DCDC1: variants seen among roughly 807,000 people sequenced by gnomAD.
The protein encoded by DCDC1 is doublecortin domain-containing protein 1.
DCDC1 carries 200 observed loss-of-function variants against 178.3 expected under a neutral mutation model. The ratio of observed to expected loss-of-function variants is 1.12; its 90% CI spans 1.00 to 1.26. The LOEUF (loss-of-function observed/expected upper bound fraction) is 1.26. DCDC1 is among the 50% of genes most tolerant of loss of function. The probability of loss-of-function intolerance (pLI) is 0.00; values close to 1 mark genes in which losing one functional copy is unlikely to be tolerated. For synonymous variants in DCDC1, 690 were observed against 604.8 expected, an observed-to-expected ratio of 1.14 and a Z score of -2.07; for missense variants, 1,983 against 1,749.2, an observed-to-expected ratio of 1.13 and a Z score of -2.38.
chr11:31,321,657 A>G lies in DCDC1; in HGVS notation c.164+6460T>C, dbSNP rs912224814. ...GGAGCTGTAGACCGGAGCTGTTCCT[A>G]TTCGGCCATCTTGGCTCCTCCCCGC... is the stretch of plus-strand genomic sequence containing the variant. On this transcript the variant is annotated intron_variant, in intron 3 of 38. Transcript: ENST00000684477. 2.0e-5 allele frequency among the ~76,000 whole-genome samples: 3 copies of G among 152,068 alleles called. No homozygotes were observed. The East Asian group carries it at 5.8e-4, about 29-fold the overall frequency.
intron 8 of DCDC1, among the ~76,000 whole-genome samples, chr11:31,248,334 T>G (rs1184626736): frequency 6.6e-6 from 1 of 151,956 alleles, no homozygotes; most frequent in Admixed American, 6.6e-5. Flanking sequence ...AAGTAAAACA[T>G]AGGAATAAGA....
Position 30,926,558 on chromosome 11 carries a change from T to C in DCDC1, c.2898-1150A>G, listed in dbSNP as rs370322836. Among the ~76,000 whole-genome samples the C allele has an allele frequency of 2.1e-4, 32 of 152,292 alleles. No individual in the cohort carries two copies. In the South Asian group the frequency reaches 3.7e-3, roughly 18 times the overall value. ...AAAAAGTAGAGCTACAGGAGACTGATGGAGCATTTTCTAAACAATACTGTG... is the reference window on the plus strand; with the variant it reads ...AAAAAGTAGAGCTACAGGAGACTGACGGAGCATTTTCTAAACAATACTGTG... On this transcript the variant is annotated intron_variant, in intron 22 of 38. Coordinates refer to ENST00000684477, the MANE Select transcript of DCDC1 (RefSeq NM_001387274.1).
intron 9 of DCDC1, among the ~76,000 whole-genome samples, chr11:31,223,961 G>T (rs1288778247): frequency 3.9e-5 from 6 of 152,086 alleles, no homozygotes; most frequent in Admixed American, 6.6e-5. Context: ...GGTAGGGGGA[G>T]GTCATTGAAT....
At chr11:30,963,971 C>A (rs542022823) in intron 20 of DCDC1, among the ~76,000 whole-genome samples, 1 of 152,044 alleles carries the variant, frequency 6.6e-6, no homozygotes, top group Non-Finnish European at 1.5e-5. Context: ...TTCGTAAATT[C>A]TTGTCCTGTT....
At chr11:30,920,719 A>T (rs1210878809) in intron 25 of DCDC1, 57 bp downstream of exon 25, 1 of 1,592,260 alleles carries the variant, frequency 6.3e-7, no homozygotes, top group Non-Finnish European at 8.6e-7. Flanking sequence ...TTATCGGGCT[A>T]ATGAGCTGAG....
At chr11:30,881,384 T>A (rs566581682) in intron 36 of DCDC1, 76 bp from the exon 37 acceptor site, 112 of 1,525,782 alleles carry the variant, frequency 7.3e-5, no homozygotes, top group Non-Finnish European at 9.4e-5. Flanking sequence ...CCAACTCTTC[T>A]GAGAAAACTA....
At chr11:30,868,340 T>C (rs530227502) in intron 38 of DCDC1, among the ~76,000 whole-genome samples, 22 of 132,866 alleles carry the variant, frequency 1.7e-4, no homozygotes, top group Non-Finnish European at 2.8e-4. Flanking sequence ...AGCCTCCGCC[T>C]CCCGGGTTCC....
At chr11:30,921,811 G>A (rs553621272) in intron 24 of DCDC1, among the ~76,000 whole-genome samples, 1 of 152,258 alleles carries the variant, frequency 6.6e-6, no homozygotes, top group African/African-American at 2.4e-5. Flanking sequence ...AGCCAGCCAC[G>A]TGAACTGGGA....
chr11:30,971,599 CTTTGTTTT>C (rs1949786693), intron 20 of DCDC1, among the ~76,000 whole-genome samples: 1 of 138,482 alleles, frequency 7.2e-6, no homozygotes, highest in Non-Finnish European at 1.5e-5. Flanking sequence ...AAAAACAGGC[CTTTGTTTT>C]TTTTTTTTTT....
chr11:31,178,275 G>A (rs988832214), intron 9 of DCDC1, among the ~76,000 whole-genome samples: 1 of 152,104 alleles, frequency 6.6e-6, no homozygotes, highest in African/African-American at 2.4e-5. Flanking sequence ...ATGTTGCCAA[G>A]AATACACATT....
intron 2 of DCDC1, among the ~76,000 whole-genome samples, chr11:31,330,106 A>G (rs1949885980): frequency 6.6e-6 from 1 of 152,100 alleles, no homozygotes; most frequent in African/African-American, 2.4e-5. Context: ...CTGGTGTGAG[A>G]TGGTATCTCA....
chr11:30,975,735 T>C (rs934321070), intron 20 of DCDC1, among the ~76,000 whole-genome samples: 4 of 152,046 alleles, frequency 2.6e-5, no homozygotes, highest in Admixed American at 2.6e-4. Context: ...TGGAAAGACA[T>C]TCCATGTTCA....
chr11:30,967,604 T>A (rs1949510996), intron 20 of DCDC1, among the ~76,000 whole-genome samples: 1 of 152,192 alleles, frequency 6.6e-6, no homozygotes, highest in African/African-American at 2.4e-5. Context: ...GGGGACCCAC[T>A]TGCCTAGTCT....
chr11:30,894,466 T>C, intron 34 of DCDC1, 82 bp from the exon 35 acceptor site: 1 of 1,556,388 alleles, frequency 6.4e-7, no homozygotes, highest in Non-Finnish European at 8.7e-7. Context: ...TCTCTATGTA[T>C]AAATCGTTCC....
intron 20 of DCDC1, among the ~76,000 whole-genome samples, chr11:30,993,947 T>C (rs976520548): frequency 6.6e-6 from 1 of 152,154 alleles, no homozygotes; most frequent in Admixed American, 6.6e-5. Flanking sequence ...CCAACTCATT[T>C]TACGAGCCAG....
chr11:31,096,318 C>T (rs771998854), intron 15 of DCDC1, among the ~76,000 whole-genome samples: 1 of 152,178 alleles, frequency 6.6e-6, no homozygotes, highest in Non-Finnish European at 1.5e-5. Flanking sequence ...CCATTTGCCA[C>T]AGGACTCAGC....
intron 27 of DCDC1, among the ~76,000 whole-genome samples, chr11:30,912,201 C>T (rs932491612): frequency 2.0e-4 from 30 of 152,252 alleles, no homozygotes; most frequent in Non-Finnish European, 2.5e-4. Flanking sequence ...ACCAGATGCA[C>T]CCCTCAACAT....
intron 38 of DCDC1, among the ~76,000 whole-genome samples, chr11:30,874,322 G>A (rs1941920841): frequency 6.6e-6 from 1 of 152,174 alleles, no homozygotes; most frequent in Non-Finnish European, 1.5e-5. Context: ...CTGGAAATCT[G>A]TATTTTATCT....
chr11:31,110,812 A>G (rs1203070900), intron 11 of DCDC1, among the ~76,000 whole-genome samples: 1 of 152,204 alleles, frequency 6.6e-6, no homozygotes, highest in African/African-American at 2.4e-5. Context: ...ATACTTAAAT[A>G]TATCAGCGTT....
Sources: allele counts gnomAD v4.1 joint callset (sites outside exome capture counted in the v4.1 genomes callset), GRCh38; gene constraint gnomAD v4.1.1; transcripts MANE v1.5; gene names NCBI Gene and HGNC (gene_info 2026-07-23, HGNC 2026-07-21).